Variants in PPP2R3A observed in about 807,000 individuals in gnomAD.
The protein encoded by PPP2R3A is serine/threonine-protein phosphatase 2A regulatory subunit B'' subunit alpha.
PPP2R3A carries 80 observed loss-of-function variants against 106.9 expected under a neutral mutation model. The ratio of observed to expected loss-of-function variants is 0.75; its 90% CI spans 0.62 to 0.90. PPP2R3A has a LOEUF of 0.90. PPP2R3A is among the 40% of genes least tolerant of loss of function. The pLI is 0.00. For missense variants in PPP2R3A, 1,386 were observed against 1,350.4 expected, an observed-to-expected ratio of 1.03 and a Z score of -0.41; for synonymous variants, 483 against 468.3, an observed-to-expected ratio of 1.03 and a Z score of -0.41.
intron 13 of PPP2R3A, among the ~76,000 whole-genome samples, chr3:136,122,465 T>C: frequency 6.6e-6 from 1 of 152,208 alleles, no homozygotes; most frequent in Admixed American, 6.5e-5. Flanking sequence ...TATGAAAGTT[T>C]ACCCTCCTGC....
intron 4 of PPP2R3A, among the ~76,000 whole-genome samples, chr3:136,046,345 T>A (rs936738263): frequency 5.3e-5 from 8 of 151,798 alleles, no homozygotes; most frequent in East Asian, 3.9e-4. Context: ...TCCCAGCTAC[T>A]CCGGAGGCTG....
At chr3:136,044,976 G>A (rs531585355) in intron 4 of PPP2R3A, among the ~76,000 whole-genome samples, 6 of 152,144 alleles carry the variant, frequency 3.9e-5, no homozygotes, top group Non-Finnish European at 5.9e-5. Flanking sequence ...TTTTGCATGG[G>A]AACAGCTGCA....
At chr3:136,026,495 G>C (rs1934661362) in intron 2 of PPP2R3A, among the ~76,000 whole-genome samples, 1 of 152,118 alleles carries the variant, frequency 6.6e-6, no homozygotes, top group African/African-American at 2.4e-5. Context: ...TATTAATCCA[G>C]TTCCAACAGA....
intron 13 of PPP2R3A, among the ~76,000 whole-genome samples, chr3:136,108,178 A>C (rs1937545753): frequency 6.6e-6 from 1 of 150,854 alleles, no homozygotes; most frequent in Admixed American, 6.6e-5. Flanking sequence ...ATGCCATTGC[A>C]CTCCAGCCTG....
At chr3:136,000,634 G>A (rs562828379) in intron 1 of PPP2R3A, among the ~76,000 whole-genome samples, 178 of 152,302 alleles carry the variant, frequency 1.2e-3, no homozygotes, top group African/African-American at 4.1e-3. Context: ...AAAGGTTGGT[G>A]CAGGGACATA....
rs116703836 is a variant in PPP2R3A at position 136,004,163 on chromosome 3, A to G, written c.1995+670A>G. 6.0e-3 allele frequency among the ~76,000 whole-genome samples: 912 copies of G among 152,342 alleles called. 8 individuals carry two copies. Among genetic ancestry groups the G allele is most frequent in the African/African-American group, 0.021 (884 of 41,570 alleles). Reference sequence around the variant, plus strand: ...AATATCAATCTAGAATCACGGAAGTATTTTCAAAAGTTTTTAATCCATCCC... The same window carrying G: ...AATATCAATCTAGAATCACGGAAGTGTTTTCAAAAGTTTTTAATCCATCCC... On this transcript the variant is annotated intron_variant, in intron 2 of 13. Coordinates refer to ENST00000264977, the MANE Select transcript of PPP2R3A (RefSeq NM_002718.5).
chr3:136,037,936 C>A (rs568411829), intron 3 of PPP2R3A, among the ~76,000 whole-genome samples: 1 of 151,450 alleles, frequency 6.6e-6, no homozygotes, highest in African/African-American at 2.4e-5. Flanking sequence ...TCCACTCTTC[C>A]TTTGTAAAAA....
chr3:136,103,526 C>T (rs1412669710), intron 12 of PPP2R3A, 150 bp downstream of exon 12: 1 of 596,406 alleles, frequency 1.7e-6, no homozygotes. Context: ...CAATAAAGGA[C>T]CTCTAGAGCA....
intron 13 of PPP2R3A, among the ~76,000 whole-genome samples, chr3:136,134,205 C>T (rs1938524434): frequency 1.3e-5 from 2 of 152,118 alleles, no homozygotes; most frequent in African/African-American, 4.8e-5. Context: ...TGCAGAAACA[C>T]CTCACTCTAG....
chr3:136,082,643 C>G (rs1936813824), intron 8 of PPP2R3A, among the ~76,000 whole-genome samples: 1 of 152,164 alleles, frequency 6.6e-6, no homozygotes, highest in Non-Finnish European at 1.5e-5. Flanking sequence ...AGTAACCAAT[C>G]ACAGTCTTAG....
chr3:136,034,229 G>A (rs994851926), intron 3 of PPP2R3A, among the ~76,000 whole-genome samples: 2 of 151,892 alleles, frequency 1.3e-5, no homozygotes, highest in Non-Finnish European at 2.9e-5. Flanking sequence ...TAGAGACAGG[G>A]TTTCACCATG....
At position 136,049,297 on chromosome 3, in the gene PPP2R3A, T is replaced by G; in HGVS notation, c.2405T>G (p.Ile802Ser). 1 of 1,613,842 alleles carries G rather than the reference T, an allele frequency of 6.2e-7. No individual in the cohort carries two copies. The highest frequency in any genetic ancestry group is 1.7e-4 in the Middle Eastern group (1 of 6,060). The part of the protein sequence containing the change: ...NNHHDDASKF[I>S]CLLAKPNCSS... The stretch of plus-strand genomic sequence containing the variant: ...CATCATGATGATGCCTCTAAATTCA[T>G]CTGTCTTCTAGCAAAGCCCAACTGC... Residue 802 changes from isoleucine to serine, a missense_variant, in exon 5 of 14, where the codon ATC becomes AGC. Coordinates refer to ENST00000264977, the MANE Select transcript of PPP2R3A (RefSeq NM_002718.5).
intron 3 of PPP2R3A, among the ~76,000 whole-genome samples, chr3:136,038,668 A>G (rs1409811381): frequency 2.6e-5 from 4 of 152,172 alleles, no homozygotes; most frequent in African/African-American, 4.8e-5. Flanking sequence ...CCTCCATGAT[A>G]CAGACGATTC....
At chr3:136,106,737 C>T in intron 13 of PPP2R3A, 1 of 172,860 alleles carries the variant, frequency 5.8e-6, no homozygotes, top group Non-Finnish European at 1.2e-5. Flanking sequence ...GCCTGACCAA[C>T]ATGGAGAAAC....
chr3:136,110,018 C>T (rs1937570640), intron 13 of PPP2R3A, among the ~76,000 whole-genome samples: 1 of 152,080 alleles, frequency 6.6e-6, no homozygotes, highest in Non-Finnish European at 1.5e-5. Flanking sequence ...GACAAAAGCC[C>T]TGACTATGGA....
At chr3:136,095,538 A>G (rs1273572168) in intron 10 of PPP2R3A, among the ~76,000 whole-genome samples, 3 of 152,198 alleles carry the variant, frequency 2.0e-5, no homozygotes, top group African/African-American at 7.2e-5. Flanking sequence ...ATTCAGACTC[A>G]GGTTTGTATC....
chr3:136,059,380 A>T (rs932260185), intron 5 of PPP2R3A, among the ~76,000 whole-genome samples: 2 of 152,172 alleles, frequency 1.3e-5, no homozygotes, highest in African/African-American at 2.4e-5. Flanking sequence ...ATGAAAAAAA[A>T]CTCGACATCA....
At chr3:136,072,590 C>G (rs369144242) in intron 6 of PPP2R3A, among the ~76,000 whole-genome samples, 1 of 152,104 alleles carries the variant, frequency 6.6e-6, no homozygotes, top group East Asian at 1.9e-4. Flanking sequence ...AAGGATCTGT[C>G]TCAAAAGAAA....
chr3:136,062,173 C>T (rs1936100412), intron 5 of PPP2R3A, among the ~76,000 whole-genome samples: 1 of 152,016 alleles, frequency 6.6e-6, no homozygotes, highest in Non-Finnish European at 1.5e-5. Flanking sequence ...AAGTTTATCT[C>T]CTTTATAAGT....
Sources: gnomAD v4.1 joint callset for allele counts (sites outside exome capture counted in the v4.1 genomes callset) on GRCh38, gnomAD v4.1.1 for gene constraint, MANE v1.5 for transcripts, NCBI Gene and HGNC (gene_info 2026-07-23, HGNC 2026-07-21) for gene names.